XKR9: variants seen among roughly 807,000 people sequenced by gnomAD.
The protein encoded by XKR9 is XK related 9, also known as XK-related protein 9.
A neutral mutation model predicts 32.0 loss-of-function variants in XKR9; 32 were observed. The ratio of observed to expected loss-of-function variants is 1.00; its 90% CI spans 0.76 to 1.34. XKR9 has a LOEUF of 1.34. XKR9 is among the 40% of genes most tolerant of loss of function. The pLI is 0.00. For missense variants in XKR9, 546 were observed against 429.7 expected (o/e 1.27, Z -2.39); for synonymous variants, 168 against 143.4 (o/e 1.17, Z -1.22).
intron 3 of XKR9, among the ~76,000 whole-genome samples, chr8:70,689,092 G>T (rs375891041): frequency 1.3e-5 from 2 of 152,156 alleles, no homozygotes; most frequent in East Asian, 3.9e-4. Flanking sequence ...CAGGGAAAAA[G>T]AATTGTAAAC....
At chr8:70,973,703 T>G in the XKR9 span, among the ~76,000 whole-genome samples, 2 of 152,334 alleles carry the variant, frequency 1.3e-5, no homozygotes, top group South Asian at 2.1e-4. Flanking sequence ...ATCTCCATCT[T>G]GATTTCATCA....
the XKR9 span, among the ~76,000 whole-genome samples, chr8:70,893,052 C>T: frequency 6.6e-6 from 1 of 151,194 alleles, no homozygotes; most frequent in Non-Finnish European, 1.5e-5. Flanking sequence ...TTCTTTTTTT[C>T]TCTCTGACTA....
At chr8:70,901,036 G>A in the XKR9 span, among the ~76,000 whole-genome samples, 5 of 152,070 alleles carry the variant, frequency 3.3e-5, no homozygotes, top group South Asian at 2.1e-4. Flanking sequence ...TATGTGCCAC[G>A]TTTTCTTAAT....
the XKR9 span, among the ~76,000 whole-genome samples, chr8:70,977,150 CT>C: frequency 6.6e-6 from 1 of 150,490 alleles, no homozygotes; most frequent in Non-Finnish European, 1.5e-5. Flanking sequence ...CAATTTTGTT[CT>C]TTTGGTTCTT....
chr8:71,063,184 A>G, the XKR9 span, among the ~76,000 whole-genome samples: 2 of 152,226 alleles, frequency 1.3e-5, no homozygotes, highest in African/African-American at 4.8e-5. Flanking sequence ...GCAAACTGGA[A>G]GATGATGATG....
In XKR9 at chr8:70,680,950, A is replaced by G; in HGVS notation, c.-109A>G. 1.0e-6 allele frequency: 1 copy of G among 988,552 alleles called. No homozygotes were observed. The allele number at this position is 988,552 out of a possible 1,614,324, so 61.2% of individuals were successfully genotyped here. A position where few individuals can be genotyped will look rare whatever the true frequency, so the allele number is the denominator to read the frequency against. ...TCTTCTAAATAGATTTAGGGAGTAGAAATTAAAATTCAATGCTATACCAAA... is the reference window on the plus strand; with the variant it reads ...TCTTCTAAATAGATTTAGGGAGTAGGAATTAAAATTCAATGCTATACCAAA... On this transcript the variant is annotated 5_prime_UTR_variant, in exon 3 of 5. Transcript: ENST00000408926.
chr8:71,063,085 T>C, the XKR9 span, among the ~76,000 whole-genome samples: 2 of 152,230 alleles, frequency 1.3e-5, no homozygotes, highest in African/African-American at 2.4e-5. Flanking sequence ...GCATCTTTGC[T>C]AATCTAATGT....
At chr8:70,752,614 A>G (rs1364829409) in intron 2 of XKR9, among the ~76,000 whole-genome samples, 1 of 152,206 alleles carries the variant, frequency 6.6e-6, no homozygotes, top group African/African-American at 2.4e-5. Context: ...ACATAGCTAC[A>G]ATGAGGACCA....
At chr8:71,000,207 G>T in the XKR9 span, among the ~76,000 whole-genome samples, 1 of 152,174 alleles carries the variant, frequency 6.6e-6, no homozygotes, top group African/African-American at 2.4e-5. Flanking sequence ...GAGACAAAAT[G>T]ATTTAGTGTT....
chr8:70,951,677 T>A, the XKR9 span, among the ~76,000 whole-genome samples: 1 of 152,354 alleles, frequency 6.6e-6, no homozygotes, highest in South Asian at 2.1e-4. Flanking sequence ...GCAGAACCTC[T>A]CTTTGCCAGG....
chr8:71,024,034 C>G, the XKR9 span, among the ~76,000 whole-genome samples: 1 of 152,078 alleles, frequency 6.6e-6, no homozygotes, highest in Non-Finnish European at 1.5e-5. Flanking sequence ...TGCTTGGGCA[C>G]TTGGGAGGGG....
chr8:70,991,287 C>T, the XKR9 span, among the ~76,000 whole-genome samples: 1 of 152,128 alleles, frequency 6.6e-6, no homozygotes, highest in South Asian at 2.1e-4. Flanking sequence ...TGGGTCAGTC[C>T]TTAGCACCAG....
chr8:70,820,977 C>T, the XKR9 span, among the ~76,000 whole-genome samples: 1 of 152,106 alleles, frequency 6.6e-6, no homozygotes, highest in Non-Finnish European at 1.5e-5. Flanking sequence ...CCCAACAGTC[C>T]CCCAAAGTCT....
intron 3 of XKR9, among the ~76,000 whole-genome samples, 183 bp downstream of exon 3, chr8:70,681,513 T>A (rs1355007543): frequency 6.6e-6 from 1 of 152,132 alleles, no homozygotes; most frequent in East Asian, 1.9e-4. Context: ...TTTTCCAGGT[T>A]CATTAATAAA....
the XKR9 span, among the ~76,000 whole-genome samples, chr8:71,043,212 G>C: frequency 6.6e-6 from 1 of 152,228 alleles, no homozygotes; most frequent in Non-Finnish European, 1.5e-5. Flanking sequence ...TGGAAAATCA[G>C]ATCACAAGAA....
At chr8:70,754,966 G>C (rs924975031) in intron 2 of XKR9, among the ~76,000 whole-genome samples, 1 of 152,040 alleles carries the variant, frequency 6.6e-6, no homozygotes, top group Non-Finnish European at 1.5e-5. Context: ...TACCATCAGA[G>C]TGAACAGGCA....
chr8:70,707,786 T>G (rs1470879485), intron 4 of XKR9, among the ~76,000 whole-genome samples: 1 of 152,058 alleles, frequency 6.6e-6, no homozygotes, highest in Non-Finnish European at 1.5e-5. Context: ...GTTTGCTGTT[T>G]TACAGTAGAT....
At chr8:70,857,816 C>G in the XKR9 span, among the ~76,000 whole-genome samples, 3 of 152,116 alleles carry the variant, frequency 2.0e-5, no homozygotes, top group South Asian at 4.1e-4. Context: ...TCAACATATG[C>G]AAATCAAGAA....
chr8:70,766,388 AT>A (rs1481800680), intron 2 of XKR9, among the ~76,000 whole-genome samples: 2 of 152,118 alleles, frequency 1.3e-5, no homozygotes, highest in African/African-American at 4.8e-5. Context: ...GAGTTCACTC[AT>A]GATTTGACTC....
Sources: gnomAD v4.1 joint callset for allele counts (sites outside exome capture counted in the v4.1 genomes callset) on GRCh38, gnomAD v4.1.1 for gene constraint, MANE v1.5 for transcripts, NCBI Gene and HGNC (gene_info 2026-07-23, HGNC 2026-07-21) for gene names.